SMYD3: variants seen among roughly 807,000 people sequenced by gnomAD.
The protein encoded by SMYD3 is histone-lysine N-methyltransferase SMYD3.
Under a neutral mutation model 57.7 loss-of-function variants are expected in SMYD3, and 36 were observed. That is an observed-to-expected ratio of 0.62 (90% CI 0.48 to 0.82). The LOEUF is 0.82. SMYD3 is among the 40% of genes least tolerant of loss of function. The probability of loss-of-function intolerance (pLI) is 0.00; values close to 1 mark genes in which losing one functional copy is unlikely to be tolerated. For missense variants in SMYD3, 515 were observed against 538.8 expected (o/e 0.96, Z 0.44); for synonymous variants, 211 against 195.0 (o/e 1.08, Z -0.68).
chr1:246,236,572 G>A (rs1040835900), intron 5 of SMYD3, among the ~76,000 whole-genome samples: 2 of 152,006 alleles, frequency 1.3e-5, no homozygotes, highest in East Asian at 3.9e-4. Context: ...CTGCCACCAC[G>A]CCTGGTTAAT....
At chr1:246,201,552 G>A (rs920079139) in intron 5 of SMYD3, among the ~76,000 whole-genome samples, 1 of 152,176 alleles carries the variant, frequency 6.6e-6, no homozygotes, top group Non-Finnish European at 1.5e-5. Flanking sequence ...TGGGAAAGGA[G>A]GAAGTATCAG....
At chr1:246,385,980 T>C (rs1393527291) in intron 1 of SMYD3, among the ~76,000 whole-genome samples, 1 of 152,012 alleles carries the variant, frequency 6.6e-6, no homozygotes, top group Non-Finnish European at 1.5e-5. Flanking sequence ...GCTCCACCTC[T>C]TGGGTTCACA....
In SMYD3 at chr1:246,129,109, T is replaced by C. The variant is rs184722304; in HGVS notation, c.531+198092A>G. Among the ~76,000 whole-genome samples the C allele has an allele frequency of 1.1e-4, 17 of 152,218 alleles. No individual in the cohort carries two copies. The East Asian group carries it at 3.1e-3, about 28-fold the overall frequency. On this transcript the variant is annotated intron_variant, in intron 5 of 11. Coordinates refer to ENST00000490107, the MANE Select transcript of SMYD3 (RefSeq NM_001167740.2). ...CCCTCCCCACTGTTGATCCCATTCT[T>C]GTTCATTGCGATCCTTCAAAAAATA...
At chr1:246,334,061 TA>T (rs60323903) in intron 3 of SMYD3, among the ~76,000 whole-genome samples, 3 of 148,330 alleles carry the variant, frequency 2.0e-5, no homozygotes, top group Non-Finnish European at 3.0e-5. Context: ...TATTATTAAA[TA>T]AAAAAAAAAC....
chr1:245,902,264 A>G (rs970983561), intron 8 of SMYD3, among the ~76,000 whole-genome samples: 1 of 152,166 alleles, frequency 6.6e-6, no homozygotes, highest in African/African-American at 2.4e-5. Flanking sequence ...CCCCATGACA[A>G]ATGGAGCTGA....
intron 10 of SMYD3, among the ~76,000 whole-genome samples, chr1:245,835,639 G>T (rs1024195106): frequency 6.6e-6 from 1 of 152,106 alleles, no homozygotes; most frequent in Admixed American, 6.6e-5. Context: ...CAGATGGCCC[G>T]GTCTCGATTC....
intron 11 of SMYD3, among the ~76,000 whole-genome samples, chr1:245,757,094 C>T (rs993486290): frequency 6.6e-6 from 1 of 152,062 alleles, no homozygotes; most frequent in Non-Finnish European, 1.5e-5. Context: ...ATAACTTTTG[C>T]ATCATCTTGT....
intron 10 of SMYD3, among the ~76,000 whole-genome samples, chr1:245,828,164 T>C (rs2049612319): frequency 1.3e-5 from 2 of 152,264 alleles, no homozygotes; most frequent in South Asian, 2.1e-4. Context: ...TCTCCCTCTG[T>C]CCCCTCCCAC....
chr1:246,506,993 C>G lies in SMYD3; in HGVS notation c.164+61G>C, dbSNP rs983740716. On this transcript the variant is annotated intron_variant, in intron 1 of 11. Transcript: ENST00000490107. The stretch of plus-strand genomic sequence containing the variant: ...CGCGGCTGCCGGCCGCCCGACGCCC[C>G]CCCCTCCCCAGCACCCCACACAGCT... 2.4e-5 allele frequency: 21 copies of G among 884,034 alleles called. 1 individual carries two copies. In the African/African-American group the frequency reaches 2.7e-4, roughly 11 times the overall value. The allele number at this position is 884,034 out of a possible 1,614,324, so 54.8% of individuals were successfully genotyped here. A position where few individuals can be genotyped will look rare whatever the true frequency, so the allele number is the denominator to read the frequency against.
chr1:245,806,909 T>G (rs1381770103), intron 10 of SMYD3, among the ~76,000 whole-genome samples: 31 of 83,628 alleles, frequency 3.7e-4, no homozygotes, highest in African/African-American at 1.8e-3. Flanking sequence ...AGAGCGAGAC[T>G]CCGTCTCAAA....
At chr1:246,276,763 GT>G (rs35627692) in intron 5 of SMYD3, among the ~76,000 whole-genome samples, 43,192 of 136,974 alleles carry the variant, frequency 0.32, 8,009 homozygotes, top group East Asian at 0.7. Context: ...TACTAACTCT[GT>G]TTTTTCACTA....
intron 1 of SMYD3, among the ~76,000 whole-genome samples, chr1:246,415,183 T>C (rs1292656853): frequency 2.0e-5 from 3 of 152,218 alleles, no homozygotes; most frequent in African/African-American, 2.4e-5. Flanking sequence ...CCCCTGGAAT[T>C]GTTAACACAG....
chr1:246,189,729 G>A (rs1476614935), intron 5 of SMYD3, among the ~76,000 whole-genome samples: 2 of 152,058 alleles, frequency 1.3e-5, no homozygotes, highest in East Asian at 1.9e-4. Context: ...GACCCCCTAC[G>A]GTTTATTTAT....
At chr1:246,461,629 G>C (rs1324296699) in intron 1 of SMYD3, among the ~76,000 whole-genome samples, 1 of 151,530 alleles carries the variant, frequency 6.6e-6, no homozygotes, top group Non-Finnish European at 1.5e-5. Context: ...TAAAATTGAG[G>C]GGGCTGAGGC....
At chr1:246,420,489 C>G (rs943353476) in intron 1 of SMYD3, among the ~76,000 whole-genome samples, 2 of 152,154 alleles carry the variant, frequency 1.3e-5, no homozygotes, top group African/African-American at 2.4e-5. Flanking sequence ...ATCCAAGGTT[C>G]GTTTGTAAAT....
chr1:246,201,023 T>C lies in SMYD3; in HGVS notation c.531+126178A>G, dbSNP rs139387889. Among the ~76,000 whole-genome samples, 3 of 152,360 alleles carry C rather than the reference T, an allele frequency of 2.0e-5. No homozygotes were observed. The East Asian group carries it at 5.8e-4, about 29-fold the overall frequency. On this transcript the variant is annotated intron_variant, in intron 5 of 11. Transcript: ENST00000490107. ...TTTCTTGCCCCCATATTAACAAGGTTTTCTCACAACATATTCAGCAAATCT... is the reference window on the plus strand; with the variant it reads ...TTTCTTGCCCCCATATTAACAAGGTCTTCTCACAACATATTCAGCAAATCT...
chr1:245,892,424 G>A (rs2148586294), intron 8 of SMYD3, among the ~76,000 whole-genome samples: 1 of 152,296 alleles, frequency 6.6e-6, no homozygotes, highest in African/African-American at 2.4e-5. Flanking sequence ...AGAAAATTAA[G>A]ACCATCACAG....
chr1:246,136,518 A>T (rs900216451), intron 5 of SMYD3, among the ~76,000 whole-genome samples: 1 of 152,250 alleles, frequency 6.6e-6, no homozygotes, highest in Non-Finnish European at 1.5e-5. Context: ...AAAAAAATGC[A>T]GGATAGAAGC....
At chr1:245,805,079 C>CA (rs1015981290) in intron 10 of SMYD3, among the ~76,000 whole-genome samples, 2 of 150,918 alleles carry the variant, frequency 1.3e-5, no homozygotes, top group Non-Finnish European at 2.9e-5. Flanking sequence ...GTTCAAGGCC[C>CA]AAGCAGTTAA....
Sources: gnomAD v4.1 joint callset for allele counts (sites outside exome capture counted in the v4.1 genomes callset) on GRCh38, gnomAD v4.1.1 for gene constraint, MANE v1.5 for transcripts, NCBI Gene and HGNC (gene_info 2026-07-23, HGNC 2026-07-21) for gene names.